Variants in CDH12 observed in about 807,000 individuals in gnomAD.
CDH12 encodes the protein cadherin-12.
In CDH12, 41 loss-of-function variants were observed where a neutral mutation model predicts 74.1. The ratio of observed to expected loss-of-function variants is 0.55; its 90% CI spans 0.43 to 0.72. The LOEUF (loss-of-function observed/expected upper bound fraction) is 0.72, where lower values mean the gene tolerates loss of function less well. Among genes scored for constraint, CDH12 ranks in the 30% least tolerant of loss-of-function variants. The pLI is 0.00. For synonymous variants in CDH12, 399 were observed against 355.0 expected (o/e 1.12, Z -1.39); for missense variants, 945 against 977.2 (o/e 0.97, Z 0.44).
intron 3 of CDH12, among the ~76,000 whole-genome samples, chr5:22,226,645 T>C (rs989983857): frequency 4.6e-5 from 7 of 152,270 alleles, no homozygotes; most frequent in Admixed American, 2.6e-4. Flanking sequence ...AGATAACAAA[T>C]GGGTGTCCCA....
chr5:21,857,401 A>G (rs756464614), intron 6 of CDH12, among the ~76,000 whole-genome samples: 5 of 151,810 alleles, frequency 3.3e-5, no homozygotes, highest in Admixed American at 2.0e-4. Context: ...ACACTCTTGT[A>G]TAAGTGGTCA....
intron 3 of CDH12, among the ~76,000 whole-genome samples, chr5:22,382,700 T>A (rs1741820655): frequency 6.6e-6 from 1 of 152,168 alleles, no homozygotes; most frequent in African/African-American, 2.4e-5. Context: ...ACCGGAAGCA[T>A]CCCTTTATTT....
chr5:22,803,595 C>T (rs952101982), intron 1 of CDH12, among the ~76,000 whole-genome samples: 2 of 152,098 alleles, frequency 1.3e-5, no homozygotes, highest in Non-Finnish European at 2.9e-5. Flanking sequence ...TCTGGTCAAA[C>T]GGATAAGAAA....
chr5:22,455,018 T>C (rs1745207809), intron 2 of CDH12, among the ~76,000 whole-genome samples: 1 of 152,162 alleles, frequency 6.6e-6, no homozygotes, highest in African/African-American at 2.4e-5. Flanking sequence ...AAGAAAATGA[T>C]ACCTGAGAGG....
chr5:22,092,837 T>C (rs1366020839), intron 4 of CDH12, among the ~76,000 whole-genome samples: 2 of 152,034 alleles, frequency 1.3e-5, no homozygotes, highest in Non-Finnish European at 2.9e-5. Context: ...AGCCGAACAG[T>C]GGAAACAAAT....
chr5:22,292,962 A>T (rs1561288842), intron 3 of CDH12, among the ~76,000 whole-genome samples: 1 of 152,038 alleles, frequency 6.6e-6, no homozygotes, highest in Non-Finnish European at 1.5e-5. Context: ...GCCATTCCCA[A>T]TCTGTAATTC....
intron 1 of CDH12, among the ~76,000 whole-genome samples, chr5:22,511,671 C>G (rs146657798): frequency 1.8e-3 from 268 of 152,248 alleles, no homozygotes; most frequent in African/African-American, 6.1e-3. Context: ...TTTGAAGAAC[C>G]ATTTGGAATA....
At chr5:22,614,540 C>T (rs72746648) in intron 1 of CDH12, among the ~76,000 whole-genome samples, 5,637 of 48,866 alleles carry the variant, frequency 0.12, 244 homozygotes, top group African/African-American at 0.3. Context: ...TGTGGAAACA[C>T]AATTGGAAAA....
chr5:22,365,560 G>C (rs1300812392), intron 3 of CDH12, among the ~76,000 whole-genome samples: 1 of 152,174 alleles, frequency 6.6e-6, no homozygotes, highest in Non-Finnish European at 1.5e-5. Context: ...ATTTCATAAT[G>C]TGAGCAAAAT....
chr5:22,666,345 A>G (rs971927841), intron 1 of CDH12, among the ~76,000 whole-genome samples: 88 of 133,482 alleles, frequency 6.6e-4, no homozygotes, highest in African/African-American at 2.4e-3. Context: ...GCTGGAGTGC[A>G]GTGGCACGAT....
intron 6 of CDH12, among the ~76,000 whole-genome samples, chr5:21,871,792 G>T (rs573452579): frequency 9.9e-4 from 150 of 152,224 alleles, no homozygotes; most frequent in African/African-American, 3.4e-3. Context: ...CCTGCACCAC[G>T]TGTAGGGTAT....
chr5:22,225,523 G>A (rs1464038762), intron 3 of CDH12, among the ~76,000 whole-genome samples: 1 of 152,032 alleles, frequency 6.6e-6, no homozygotes, highest in African/African-American at 2.4e-5. Flanking sequence ...AAAATTTTAA[G>A]ACAATCCTAC....
At chr5:22,113,893 C>T (rs1744949389) in intron 4 of CDH12, among the ~76,000 whole-genome samples, 1 of 152,158 alleles carries the variant, frequency 6.6e-6, no homozygotes, top group African/African-American at 2.4e-5. Context: ...CTGCTTTCCT[C>T]TGAGCTTTCT....
intron 1 of CDH12, among the ~76,000 whole-genome samples, chr5:22,773,940 A>G (rs893654113): frequency 6.6e-6 from 1 of 152,128 alleles, no homozygotes; most frequent in African/African-American, 2.4e-5. Flanking sequence ...ATGAGATACC[A>G]TTTCCCTCCA....
intron 1 of CDH12, among the ~76,000 whole-genome samples, chr5:22,786,955 G>A (rs1747661069): frequency 6.6e-6 from 1 of 151,948 alleles, no homozygotes; most frequent in Non-Finnish European, 1.5e-5. Flanking sequence ...CCTGACCTCA[G>A]ATGATCTGCC....
At chr5:22,118,993 TAAG>T (rs1407163928) in intron 4 of CDH12, among the ~76,000 whole-genome samples, 1 of 152,088 alleles carries the variant, frequency 6.6e-6, no homozygotes, top group Non-Finnish European at 1.5e-5. Context: ...GTGAAGATGA[TAAG>T]AAGATAAACA....
intron 1 of CDH12, among the ~76,000 whole-genome samples, chr5:22,523,211 G>T (rs2126688894): frequency 6.6e-6 from 1 of 152,126 alleles, no homozygotes; most frequent in African/African-American, 2.4e-5. Flanking sequence ...AGAAAGGGGT[G>T]GTGCTGATTT....
rs184593923 is a variant in CDH12 at position 21,950,989 on chromosome 5, G to A, written c.526+24102C>T. Among the ~76,000 whole-genome samples, 542 of 151,382 alleles carry A rather than the reference G, an allele frequency of 3.6e-3. 8 individuals are homozygous for A. Among genetic ancestry groups the A allele is most frequent in the East Asian group, 0.035 (178 of 5,126 alleles). ...TTTTTAGTAGAGACGGGGTTTCACC[G>A]TGTTAGCTAGGATGGTCTCGATCTC... On this transcript the variant is annotated intron_variant, in intron 6 of 14. Transcript: ENST00000382254.
chr5:22,677,865 G>A (rs76644065), intron 1 of CDH12, among the ~76,000 whole-genome samples: 17,745 of 152,028 alleles, frequency 0.12, 1,360 homozygotes, highest in Admixed American at 0.2. Context: ...GGGTGCCAAC[G>A]TGGTTAGGTT....
Sources: gnomAD v4.1 joint callset for allele counts (sites outside exome capture counted in the v4.1 genomes callset) on GRCh38, gnomAD v4.1.1 for gene constraint, MANE v1.5 for transcripts, NCBI Gene and HGNC (gene_info 2026-07-23, HGNC 2026-07-21) for gene names.